DYNC2H1: variants seen among roughly 807,000 people sequenced by gnomAD.
DYNC2H1 encodes the protein dynein cytoplasmic 2 heavy chain 1.
A neutral mutation model predicts 570.0 loss-of-function variants in DYNC2H1; 410 were observed. The observed-to-expected ratio is 0.72, with a 90% CI of 0.66 to 0.78. The LOEUF is 0.78. Among genes scored for constraint, DYNC2H1 ranks in the 30% least tolerant of loss-of-function variants. The probability of loss-of-function intolerance (pLI) is 0.00; values close to 1 mark genes in which losing one functional copy is unlikely to be tolerated. For missense variants in DYNC2H1, 4,865 were observed against 5,046.4 expected (o/e 0.96, Z 1.09); for synonymous variants, 1,688 against 1,677.6 (o/e 1.01, Z -0.15).
intron 87 of DYNC2H1, among the ~76,000 whole-genome samples, chr11:103,466,971 T>A (rs1945212674): frequency 6.6e-6 from 1 of 152,052 alleles, no homozygotes; most frequent in African/African-American, 2.4e-5. Flanking sequence ...GGTAAACAGT[T>A]GGAAATATTC....
At chr11:103,119,482 G>C (rs959091922) in intron 6 of DYNC2H1, among the ~76,000 whole-genome samples, 1 of 152,104 alleles carries the variant, frequency 6.6e-6, no homozygotes, top group Non-Finnish European at 1.5e-5. Flanking sequence ...TGGGACTACA[G>C]GTGCACGCCA....
chr11:103,252,767 G>C lies in DYNC2H1; in HGVS notation c.10043-518G>C, dbSNP rs541533484. ...GATATTAACCCCTTATCTGATATAT[G>C]GTTTATAAATAACTCCAAGTTTTTA... On this transcript the variant is annotated intron_variant, in intron 65 of 88. Transcript: ENST00000375735. This position sits in a 1 kb window ranked among gnomAD's most constrained non-coding sequence, Gnocchi z 4.6. Among the ~76,000 whole-genome samples, 1 of 151,858 alleles carries C rather than the reference G, an allele frequency of 6.6e-6. No homozygotes were observed. Among genetic ancestry groups the C allele is most frequent in the African/African-American group, 2.4e-5 (1 of 41,338 alleles).
intron 81 of DYNC2H1, among the ~76,000 whole-genome samples, chr11:103,322,854 A>G (rs1938284279): frequency 6.6e-6 from 1 of 152,220 alleles, no homozygotes; most frequent in Non-Finnish European, 1.5e-5. Flanking sequence ...ATATGCAAAC[A>G]TACACTCATG....
intron 84 of DYNC2H1, among the ~76,000 whole-genome samples, chr11:103,416,858 G>C (rs3018431): frequency 0.51 from 77,001 of 151,814 alleles, 19,775 homozygotes; most frequent in African/African-American, 0.6. Flanking sequence ...ATAGAATGGG[G>C]AGAAATTTTT....
At chr11:103,354,210 T>A (rs1159871896) in intron 82 of DYNC2H1, among the ~76,000 whole-genome samples, 3 of 151,510 alleles carry the variant, frequency 2.0e-5, no homozygotes, top group African/African-American at 7.3e-5. Flanking sequence ...AAATCTCCTG[T>A]TTAGCCTGCT....
chr11:103,395,430 T>A lies in DYNC2H1; in HGVS notation c.12157-4233T>A, dbSNP rs1453094466. 1.3e-5 allele frequency among the ~76,000 whole-genome samples: 2 copies of A among 151,770 alleles called. No individual in the cohort carries two copies. Among genetic ancestry groups the A allele is most frequent in the African/African-American group, 2.4e-5 (1 of 41,312 alleles). On this transcript the variant is annotated intron_variant, in intron 83 of 88. Coordinates refer to ENST00000375735, the MANE Select transcript of DYNC2H1 (RefSeq NM_001377.3). This position sits in a 1 kb window ranked among gnomAD's most constrained non-coding sequence, Gnocchi z 4.3. ...ATATATACATGCATATGATCATGTATGTTACATATGATCATTGTATCACTG... is the reference window on the plus strand; with the variant it reads ...ATATATACATGCATATGATCATGTAAGTTACATATGATCATTGTATCACTG...
chr11:103,169,285 T>G (rs1403288130), intron 32 of DYNC2H1, among the ~76,000 whole-genome samples: 1 of 152,140 alleles, frequency 6.6e-6, no homozygotes, highest in Non-Finnish European at 1.5e-5. Context: ...CAAAGCAATT[T>G]GGTTTGTGTC....
At chr11:103,429,405 T>A (rs1943807037) in intron 84 of DYNC2H1, among the ~76,000 whole-genome samples, 1 of 152,186 alleles carries the variant, frequency 6.6e-6, no homozygotes, top group Non-Finnish European at 1.5e-5. Flanking sequence ...ATCTTTTAGA[T>A]CTGAAAGTCC....
intron 83 of DYNC2H1, among the ~76,000 whole-genome samples, chr11:103,364,777 C>T (rs913070194): frequency 6.6e-6 from 1 of 152,152 alleles, no homozygotes. Flanking sequence ...ACTGCCATCA[C>T]TACCTCCTCC....
In DYNC2H1 at chr11:103,187,598, TG is replaced by T. The variant is rs746066639; in HGVS notation, c.7140+13del. The T allele has an allele frequency of 7.0e-5, 112 of 1,609,310 alleles. 1 individual carries two copies. The East Asian group carries it at 2.4e-3, about 35-fold the overall frequency. On this transcript the variant is annotated intron_variant, in intron 43 of 88. Coordinates refer to ENST00000375735, the MANE Select transcript of DYNC2H1 (RefSeq NM_001377.3). Reference sequence around the variant, plus strand: ...CATTCCTACAACAGGTAAGTCATATTGCTTGAAGTGTTTTAATCTAATTGGA... The same window carrying T: ...CATTCCTACAACAGGTAAGTCATATTCTTGAAGTGTTTTAATCTAATTGGA...
chr11:103,333,234 AAGT>A (rs1938917226), intron 82 of DYNC2H1, among the ~76,000 whole-genome samples: 1 of 152,124 alleles, frequency 6.6e-6, no homozygotes, highest in Non-Finnish European at 1.5e-5. Context: ...TGTGTAAAAA[AAGT>A]AGAATTATTA....
intron 84 of DYNC2H1, among the ~76,000 whole-genome samples, chr11:103,400,781 A>G (rs1035615776): frequency 6.6e-6 from 1 of 152,110 alleles, no homozygotes; most frequent in African/African-American, 2.4e-5. Context: ...CTACATTCAC[A>G]TATACTAGCA....
intron 75 of DYNC2H1, among the ~76,000 whole-genome samples, chr11:103,295,898 G>T (rs988337992): frequency 6.6e-6 from 1 of 152,126 alleles, no homozygotes; most frequent in African/African-American, 2.4e-5. Flanking sequence ...AATCCACTGG[G>T]TCTGAGTGCC....
intron 82 of DYNC2H1, among the ~76,000 whole-genome samples, chr11:103,329,796 G>A (rs1369322544): frequency 6.6e-6 from 1 of 152,022 alleles, no homozygotes; most frequent in East Asian, 1.9e-4. Flanking sequence ...TTGTTTTAAA[G>A]ATGTATTTTA....
chr11:103,191,663 C>A, intron 46 of DYNC2H1, 44 bp downstream of exon 46: 1 of 978,246 alleles, frequency 1.0e-6, no homozygotes, highest in Non-Finnish European at 1.5e-6. Context: ...TGTGTGTGTG[C>A]ACATTTATTC....
Position 103,132,653 on chromosome 11 carries a change from T to G in DYNC2H1, c.1954-902T>G, listed in dbSNP as rs1019968435. Among the ~76,000 whole-genome samples, 6 of 146,272 alleles carry G rather than the reference T, an allele frequency of 4.1e-5. No individual in the cohort carries two copies. The East Asian group carries it at 1.2e-3, about 29-fold the overall frequency. ...CTCTTTGCTGAGAGGGTTGGGGGTGTGTGTGTGTGTGTGTGTGTGTGTGAT... is the reference window on the plus strand; with the variant it reads ...CTCTTTGCTGAGAGGGTTGGGGGTGGGTGTGTGTGTGTGTGTGTGTGTGAT... On this transcript the variant is annotated intron_variant, in intron 13 of 88. Transcript: ENST00000375735.
At chr11:103,118,893 C>T (rs1345754639) in intron 6 of DYNC2H1, among the ~76,000 whole-genome samples, 1 of 152,116 alleles carries the variant, frequency 6.6e-6, no homozygotes, top group Admixed American at 6.5e-5. Flanking sequence ...TATGATCAGT[C>T]TGATGAATTT....
chr11:103,271,843 G>A (rs1056970315), intron 70 of DYNC2H1, among the ~76,000 whole-genome samples: 4 of 152,122 alleles, frequency 2.6e-5, no homozygotes, highest in African/African-American at 9.7e-5. Flanking sequence ...CACTGGCCAT[G>A]AGAGAAATGC....
Position 103,465,619 on chromosome 11 carries a change from G to A in DYNC2H1, c.12649-2970G>A, listed in dbSNP as rs1354495020. On this transcript the variant is annotated intron_variant, in intron 87 of 88. Transcript: ENST00000375735. The surrounding 1 kb of genome is among the most constrained non-coding windows in gnomAD (Gnocchi z 4.9). ...TCAGACCCACTCTGCATCTGCATTC[G>A]GCTAGATCAGTTAGAAGGGAAGGTC... Among the ~76,000 whole-genome samples the A allele has an allele frequency of 4.6e-5, 7 of 151,974 alleles. No homozygotes were observed. Among genetic ancestry groups the A allele is most frequent in the African/African-American group, 7.2e-5 (3 of 41,396 alleles).
Sources: gnomAD v4.1 joint callset for allele counts (sites outside exome capture counted in the v4.1 genomes callset) on GRCh38, gnomAD v4.1.1 for gene constraint, Gnocchi (gnomAD v3.1) non-coding constraint, MANE v1.5 for transcripts, NCBI Gene and HGNC (gene_info 2026-07-23, HGNC 2026-07-21) for gene names.